OVAAL: variants seen among roughly 807,000 people sequenced by gnomAD.
OVAAL encodes ovarian adenocarcinoma amplified long non-coding RNA.
At chr1:180,563,263 C>T (rs1189857719) in intron 2 of OVAAL, among the ~76,000 whole-genome samples, 1 of 152,214 alleles carries the variant, frequency 6.6e-6, no homozygotes, top group Non-Finnish European at 1.5e-5. Context: ...TCTGTTTCCT[C>T]AGGCTTCCAC....
chr1:180,564,693 C>T (rs1281559205), intron 2 of OVAAL, among the ~76,000 whole-genome samples: 1 of 152,068 alleles, frequency 6.6e-6, no homozygotes. Context: ...TGAGTGTCCT[C>T]AGTTGTGGGA....
At chr1:180,561,453 G>A (rs866542436) in intron 1 of OVAAL, among the ~76,000 whole-genome samples, 2 of 100,420 alleles carry the variant, frequency 2.0e-5, no homozygotes, top group Non-Finnish European at 2.2e-5. Flanking sequence ...GGGATTTGGG[G>A]AACAGGAGAT....
chr1:180,560,371 T>C (rs1297137616), intron 1 of OVAAL, among the ~76,000 whole-genome samples: 1 of 152,150 alleles, frequency 6.6e-6, no homozygotes, highest in Admixed American at 6.5e-5. Context: ...GGAGGCACTG[T>C]GCCAGCCAGG....
chr1:180,561,274 C>G (rs143414959), intron 1 of OVAAL, among the ~76,000 whole-genome samples: 1 of 152,142 alleles, frequency 6.6e-6, no homozygotes, highest in Non-Finnish European at 1.5e-5. Flanking sequence ...CAGTAGTGAC[C>G]AGATACTTAG....
At chr1:180,561,620 A>T (rs369089650) in intron 1 of OVAAL, among the ~76,000 whole-genome samples, 9 of 152,208 alleles carry the variant, frequency 5.9e-5, no homozygotes, top group African/African-American at 2.2e-4. Context: ...GAGAAGCTGT[A>T]GGTGCCCCTA....
intron 1 of OVAAL, among the ~76,000 whole-genome samples, chr1:180,559,627 G>A (rs899306462): frequency 2.6e-5 from 4 of 152,128 alleles, no homozygotes; most frequent in Non-Finnish European, 4.4e-5. Flanking sequence ...GAAAAACCCG[G>A]CCGGGCACGG....
chr1:180,561,273 C>A (rs1048359125), intron 1 of OVAAL, among the ~76,000 whole-genome samples: 2 of 152,152 alleles, frequency 1.3e-5, no homozygotes, highest in Non-Finnish European at 2.9e-5. Context: ...ACAGTAGTGA[C>A]CAGATACTTA....
intron 1 of OVAAL, among the ~76,000 whole-genome samples, chr1:180,561,492 C>T (rs926568831): frequency 2.0e-5 from 3 of 152,132 alleles, no homozygotes; most frequent in Non-Finnish European, 4.4e-5. Context: ...GCTGACAGCT[C>T]TCAGCATCGG....
chr1:180,562,394 C>T (rs888519923), intron 2 of OVAAL: 1 of 152,096 alleles, frequency 6.6e-6, no homozygotes, highest in Non-Finnish European at 1.5e-5. Flanking sequence ...AATGATGTTA[C>T]CTAGACAGAA....
chr1:180,562,023 CAA>C (rs111640712), intron 1 of OVAAL, among the ~76,000 whole-genome samples: 19 of 122,564 alleles, frequency 1.6e-4, no homozygotes, highest in South Asian at 7.9e-4. Context: ...AACTCCATCT[CAA>C]AAAAAAAAAA....
rs28516491 is a variant in OVAAL at position 180,566,044 on chromosome 1, G to A, written n.1307G>A. On this transcript the variant is annotated non_coding_transcript_exon_variant, in exon 3 of 3. Coordinates refer to ENST00000673955, the Ensembl canonical transcript of OVAAL. Reference sequence around the variant, plus strand: ...ACTCAAATTCTTTAATCAAACAATAGGCTAGTGCAAATGGAGCTATTTCTT... The same window carrying A: ...ACTCAAATTCTTTAATCAAACAATAAGCTAGTGCAAATGGAGCTATTTCTT... The A allele has an allele frequency of 2.0e-3, 310 of 152,256 alleles. 3 individuals carry two copies. Among genetic ancestry groups the A allele is most frequent in the African/African-American group, 7.3e-3 (303 of 41,530 alleles). The allele number at this position is 152,256 out of a possible 1,614,324, so 9.4% of individuals were successfully genotyped here.
intron 1 of OVAAL, among the ~76,000 whole-genome samples, chr1:180,560,508 A>G (rs1463289269): frequency 2.0e-5 from 3 of 152,210 alleles, no homozygotes; most frequent in South Asian, 4.1e-4. Flanking sequence ...CAGATACACT[A>G]GAAGTTATAT....
chr1:180,565,962 G>A (rs1397900616), exon 3 of OVAAL: 2 of 152,182 alleles, frequency 1.3e-5, no homozygotes, highest in Admixed American at 6.5e-5. Flanking sequence ...TTTAAAGGTA[G>A]CATTTCACCC....
chr1:180,562,228 T>C (rs1394117860), exon 2 of OVAAL: 1 of 152,402 alleles, frequency 6.6e-6, no homozygotes, highest in African/African-American at 2.4e-5. Flanking sequence ...GAGGCCAATA[T>C]GCAGACAAGG....
chr1:180,565,021 A>G (rs1653266991), intron 2 of OVAAL, among the ~76,000 whole-genome samples: 1 of 152,148 alleles, frequency 6.6e-6, no homozygotes, highest in Admixed American at 6.5e-5. Context: ...GTAGTATTGG[A>G]CATTTTATAG....
At chr1:180,563,461 G>T (rs1325550367) in intron 2 of OVAAL, among the ~76,000 whole-genome samples, 1 of 152,188 alleles carries the variant, frequency 6.6e-6, no homozygotes, top group Non-Finnish European at 1.5e-5. Context: ...TTTAGAGCAG[G>T]AGTGAAAGTT....
intron 2 of OVAAL, among the ~76,000 whole-genome samples, chr1:180,563,226 A>T (rs1653237540): frequency 6.6e-6 from 1 of 152,194 alleles, no homozygotes; most frequent in Non-Finnish European, 1.5e-5. Flanking sequence ...AATGGGTTTA[A>T]CAGTAACAGC....
intron 2 of OVAAL, among the ~76,000 whole-genome samples, chr1:180,565,062 G>A (rs189660468): frequency 5.3e-4 from 81 of 152,306 alleles, no homozygotes; most frequent in African/African-American, 1.5e-3. Context: ...CACCTGTTCT[G>A]TGTTAAAATG....
chr1:180,559,850 G>C (rs1022258357), intron 1 of OVAAL, among the ~76,000 whole-genome samples: 4 of 150,506 alleles, frequency 2.7e-5, no homozygotes, highest in African/African-American at 9.8e-5. Context: ...AGGTTGCAGT[G>C]AGCCAAGATC....
Sources: allele counts gnomAD v4.1 joint callset (sites outside exome capture counted in the v4.1 genomes callset), GRCh38; gene constraint gnomAD v4.1.1; transcripts MANE v1.5; gene names NCBI Gene and HGNC (gene_info 2026-07-23, HGNC 2026-07-21).